The following STARD10 variants were observed in gnomAD, a reference collection of about 807,000 sequenced individuals.
The protein encoded by STARD10 is StAR related lipid transfer domain containing 10.
Under a neutral mutation model 36.0 loss-of-function variants are expected in STARD10, and 24 were observed. That is an observed-to-expected ratio of 0.67 (90% CI 0.48 to 0.94). The LOEUF (loss-of-function observed/expected upper bound fraction) is 0.94, where lower values mean the gene tolerates loss of function less well. STARD10 is among the 40% of genes least tolerant of loss of function. The probability of loss-of-function intolerance (pLI) is 0.00; values close to 1 mark genes in which losing one functional copy is unlikely to be tolerated. For missense variants in STARD10, 335 were observed against 396.6 expected (o/e 0.84, Z 1.32); for synonymous variants, 156 against 161.9 (o/e 0.96, Z 0.28).
chr11:72,755,161 G>C lies in STARD10; in HGVS notation c.631-19C>G. On this transcript the variant is annotated intron_variant, in intron 6 of 6. Coordinates refer to ENST00000334805, the MANE Select transcript of STARD10 (RefSeq NM_006645.3). ...TCATGGCCTGTGGGCCCGCCGCCCCGCCGGGTCAGGGGGTGGCTAGGGGGC... is the reference window on the plus strand; with the variant it reads ...TCATGGCCTGTGGGCCCGCCGCCCCCCCGGGTCAGGGGGTGGCTAGGGGGC... The C allele has an allele frequency of 6.2e-7, 1 of 1,602,336 alleles. No homozygotes were observed. The highest frequency in any genetic ancestry group is 1.1e-5 in the South Asian group (1 of 89,834).
In STARD10 at chr11:72,755,039, G is replaced by C. The variant is rs1197995601; in HGVS notation, c.734C>G (p.Pro245Arg). Residue 245 changes from proline (P) to arginine (R), a missense_variant, in exon 7 of 7, where the codon CCG (proline) becomes CGG (arginine). Coordinates refer to ENST00000334805, the MANE Select transcript of STARD10 (RefSeq NM_006645.3). ...PWLHPEQSPLPSLALSELSVQ... is the reference protein window; with the variant it reads ...PWLHPEQSPLRSLALSELSVQ... ...CGACAGCTCCGACAGCGCCAGGCTC[G>C]GCAACGGGCTCTGCTCCGGGTGCAG... is the stretch of plus-strand genomic sequence containing the variant. 9.3e-6 allele frequency: 15 copies of C among 1,613,118 alleles called. No individual in the cohort carries two copies. The highest frequency in any genetic ancestry group is 1.7e-5 in the Admixed American group (1 of 59,928).
intron 2 of STARD10, among the ~76,000 whole-genome samples, chr11:72,779,677 C>A (rs774502557): frequency 9.8e-5 from 15 of 152,294 alleles, no homozygotes; most frequent in Non-Finnish European, 1.8e-4. Flanking sequence ...CCCTGCTCCT[C>A]AGGCTCAGAC....
At position 72,793,540 on chromosome 11, in the gene STARD10, AAGGACTGTTGTG is replaced by A. The variant is rs1454217933; in HGVS notation, c.-791_-780del. On this transcript the variant is annotated 5_prime_UTR_variant, in exon 1 of 7. Transcript: ENST00000334805. ...CTCTAACCTGTTGTCCCATTTGTAA[AAGGACTGTTGTG>A]AGGACTGAATTAGGAGAGGCGATGA... The A allele has an allele frequency of 6.6e-6, 1 of 152,264 alleles. No individual in the cohort carries two copies. Among genetic ancestry groups the A allele is most frequent in the African/African-American group, 2.4e-5 (1 of 41,472 alleles). The allele number at this position is 152,264 out of a possible 1,614,324, so 9.4% of individuals were successfully genotyped here.
rs1858988123 is a variant in STARD10 at position 72,781,072 on chromosome 11, C to T, written c.110G>A (p.Cys37Tyr). 1.2e-6 allele frequency: 2 copies of T among 1,614,052 alleles called. No homozygotes were observed. The highest frequency in any genetic ancestry group is 2.7e-5 in the African/African-American group (2 of 74,948). Residue 37 changes from cysteine (C) to tyrosine (Y), a missense_variant, in exon 2 of 7, where the codon TGT becomes TAT. Transcript: ENST00000334805. This position sits in a 1 kb window ranked among gnomAD's most constrained non-coding sequence, Gnocchi z 4.7. ...CAGGTTCCAGCCCACCTCAGCCTCA[C>T]ACTCTGACCGGAAGCTGCGAAAGTC... The part of the protein sequence containing the change: ...DQDFRSFRSE[C>Y]EAEVGWNLTY...
At chr11:72,773,297 G>A (rs1858887765) in intron 2 of STARD10, among the ~76,000 whole-genome samples, 1 of 152,176 alleles carries the variant, frequency 6.6e-6, no homozygotes, top group African/African-American at 2.4e-5. Flanking sequence ...ACCCCTCTTG[G>A]TACCTCCCTC....
At chr11:72,759,467 A>G (rs1858689054) in intron 2 of STARD10, 86 bp from the exon 3 acceptor site, 11 of 1,499,738 alleles carry the variant, frequency 7.3e-6, no homozygotes, top group East Asian at 2.3e-5. Flanking sequence ...GCAGAGGGGG[A>G]GGAAGAGAAA....
Position 72,781,360 on chromosome 11 carries a change from T to G in STARD10, c.-113-66A>C. ...GCGCGGGTGGGGCTGTTCGGGGTCC[T>G]GGCGGGTGGGGAGCTGGAGAGAGGT... On this transcript the variant is annotated intron_variant, in intron 1 of 6. Coordinates refer to ENST00000334805, the MANE Select transcript of STARD10 (RefSeq NM_006645.3). This position sits in a 1 kb window ranked among gnomAD's most constrained non-coding sequence, Gnocchi z 4.7. 3 of 593,712 alleles carry G rather than the reference T, an allele frequency of 5.1e-6. No individual in the cohort carries two copies. The highest frequency in any genetic ancestry group is 8.9e-6 in the Non-Finnish European group (3 of 335,436). 36.8% of individuals were successfully genotyped at this position (593,712 alleles called of 1,614,324 possible). A position where few individuals can be genotyped will look rare whatever the true frequency, so the allele number is the denominator to read the frequency against.
At chr11:72,760,894 G>A (rs1180329370) in intron 2 of STARD10, among the ~76,000 whole-genome samples, 1 of 151,742 alleles carries the variant, frequency 6.6e-6, no homozygotes, top group African/African-American at 2.4e-5. Context: ...GTTTTCTTGT[G>A]TAGTTTAAAA....
intron 2 of STARD10, among the ~76,000 whole-genome samples, chr11:72,776,601 G>T (rs1858933299): frequency 6.6e-6 from 1 of 152,142 alleles, no homozygotes; most frequent in Non-Finnish European, 1.5e-5. Context: ...TCCTGATCTA[G>T]CTTCAGCCAT....
chr11:72,770,099 C>G (rs1438905955), intron 2 of STARD10, among the ~76,000 whole-genome samples: 1 of 152,158 alleles, frequency 6.6e-6, no homozygotes, highest in Non-Finnish European at 1.5e-5. Flanking sequence ...TGGAAGGAAC[C>G]AAGAAAAAGT....
At chr11:72,766,330 C>T (rs952441437) in intron 2 of STARD10, among the ~76,000 whole-genome samples, 6 of 152,102 alleles carry the variant, frequency 3.9e-5, no homozygotes, top group Admixed American at 1.3e-4. Context: ...GGGAGACCGG[C>T]GGTGAACCAG....
chr11:72,755,610 C>A, intron 6 of STARD10, 91 bp downstream of exon 6: 4 of 1,455,054 alleles, frequency 2.7e-6, no homozygotes, highest in Non-Finnish European at 3.9e-6. Context: ...CACGCCTGGC[C>A]CTCAGGCTCC....
chr11:72,762,329 T>A (rs796268398), intron 2 of STARD10, among the ~76,000 whole-genome samples: 24 of 152,266 alleles, frequency 1.6e-4, no homozygotes, highest in African/African-American at 5.1e-4. Context: ...GCACCCACCA[T>A]GTGCCAGGTA....
Position 72,778,955 on chromosome 11 carries a change from C to T in STARD10, c.207+2020G>A, listed in dbSNP as rs368507461. 5.3e-5 allele frequency among the ~76,000 whole-genome samples: 8 copies of T among 152,346 alleles called. No individual in the cohort carries two copies. The East Asian group carries it at 1.5e-3, about 29-fold the overall frequency. ...TCCCCGCCACCCACAAGGAAGGCCA[C>T]CTGACAAGTCTGATCTGGCCACGAG... On this transcript the variant is annotated intron_variant, in intron 2 of 6. Coordinates refer to ENST00000334805, the MANE Select transcript of STARD10 (RefSeq NM_006645.3).
rs1462954697 is a variant in STARD10, at chr11:72,780,963, G to A, written c.207+12C>T. 10 of 1,613,850 alleles carry A rather than the reference G, an allele frequency of 6.2e-6. No individual in the cohort carries two copies. Among genetic ancestry groups the A allele is most frequent in the Non-Finnish European group, 8.5e-6 (10 of 1,179,746 alleles). On this transcript the variant is annotated intron_variant, in intron 2 of 6. Coordinates refer to ENST00000334805, the MANE Select transcript of STARD10 (RefSeq NM_006645.3). ...GTGCAGTGGAGGCTGCAGGTATAGC[G>A]GGCAACCCTACCTTGATCTTGTGCA...
At chr11:72,763,113 GTC>G (rs1372040181) in intron 2 of STARD10, among the ~76,000 whole-genome samples, 2 of 150,928 alleles carry the variant, frequency 1.3e-5, no homozygotes. Context: ...ACCACTGCAA[GTC>G]TCACATCCTG....
At chr11:72,780,577 C>T (rs372592138) in intron 2 of STARD10, 70 of 356,980 alleles carry the variant, frequency 2.0e-4, no homozygotes, top group South Asian at 1.4e-3. Context: ...AGGCTGAGAA[C>T]CAGGAATCAG....
intron 6 of STARD10, chr11:72,755,392 C>A: frequency 1.8e-6 from 1 of 561,240 alleles, no homozygotes; most frequent in African/African-American, 1.9e-5. Flanking sequence ...CTCACTGCAA[C>A]CTCTGCCTTC....
At chr11:72,777,956 G>A (rs1346066338) in intron 2 of STARD10, among the ~76,000 whole-genome samples, 1 of 152,174 alleles carries the variant, frequency 6.6e-6, no homozygotes, top group Admixed American at 6.5e-5. Flanking sequence ...GAGGGGGAAA[G>A]GGGGGCAGAA....
Sources: allele counts gnomAD v4.1 joint callset (sites outside exome capture counted in the v4.1 genomes callset), GRCh38; gene constraint gnomAD v4.1.1; non-coding constraint Gnocchi (gnomAD v3.1); transcripts MANE v1.5; gene names NCBI Gene and HGNC (gene_info 2026-07-23, HGNC 2026-07-21).